IGSF5: variants seen among roughly 807,000 people sequenced by gnomAD.
The protein encoded by IGSF5 is immunoglobulin superfamily member 5.
A neutral mutation model predicts 39.4 loss-of-function variants in IGSF5; 41 were observed. That is an observed-to-expected ratio of 1.04 (90% CI 0.81 to 1.35). The LOEUF (loss-of-function observed/expected upper bound fraction) is 1.35, where lower values mean the gene tolerates loss of function less well. IGSF5 is among the 40% of genes most tolerant of loss of function. The pLI is 0.00. For missense variants in IGSF5, 487 were observed against 494.6 expected (o/e 0.98, Z 0.15); for synonymous variants, 183 against 175.3 (o/e 1.04, Z -0.34).
intron 2 of IGSF5, among the ~76,000 whole-genome samples, chr21:39,753,225 C>T (rs893383806): frequency 6.6e-6 from 1 of 152,072 alleles, no homozygotes; most frequent in Non-Finnish European, 1.5e-5. Context: ...GCCAATTACC[C>T]CAGGATCATT....
the IGSF5 span, among the ~76,000 whole-genome samples, chr21:39,738,051 C>T: frequency 5.3e-5 from 8 of 152,240 alleles, no homozygotes; most frequent in African/African-American, 1.4e-4. The surrounding 1 kb of genome is among the most constrained non-coding windows in gnomAD (Gnocchi z 6.4). Flanking sequence ...ATATCTATGT[C>T]ATCGATATCT....
chr21:39,745,629 A>C (rs940404039), intron 1 of IGSF5, 103 bp downstream of exon 1: 43 of 676,634 alleles, frequency 6.4e-5, no homozygotes, highest in Non-Finnish European at 9.7e-5. Flanking sequence ...TTCTGCCTCT[A>C]GTTGGCCCTT....
At chr21:39,779,474 C>T (rs971366805) in intron 5 of IGSF5, among the ~76,000 whole-genome samples, 169 bp downstream of exon 5, 6 of 152,130 alleles carry the variant, frequency 3.9e-5, no homozygotes, top group African/African-American at 1.4e-4. Flanking sequence ...ATTGTTACAG[C>T]CTTTATGGAA....
chr21:39,783,717 A>C lies in IGSF5; in HGVS notation c.934+4412A>C, dbSNP rs573373616. Among the ~76,000 whole-genome samples the C allele has an allele frequency of 2.2e-4, 33 of 152,242 alleles. 1 individual carries two copies. Among genetic ancestry groups the C allele is most frequent in the African/African-American group, 7.9e-4 (33 of 41,540 alleles). Reference sequence around the variant, plus strand: ...TTCTTTTGCTGTGCAGAAGCTTTTCAGTTTAATATAGTCCCATTTGTCTAT... The same window carrying C: ...TTCTTTTGCTGTGCAGAAGCTTTTCCGTTTAATATAGTCCCATTTGTCTAT... On this transcript the variant is annotated intron_variant, in intron 5 of 8. Transcript: ENST00000380588.
chr21:39,782,546 G>T (rs530600367), intron 5 of IGSF5, among the ~76,000 whole-genome samples: 1 of 152,112 alleles, frequency 6.6e-6, no homozygotes, highest in African/African-American at 2.4e-5. Flanking sequence ...TGGCAACCAC[G>T]ATTCTACTTT....
chr21:39,714,298 A>G, the IGSF5 span, among the ~76,000 whole-genome samples: 1 of 152,142 alleles, frequency 6.6e-6, no homozygotes, highest in African/African-American at 2.4e-5. Context: ...TGAAAAAGGG[A>G]TATGATGGAA....
chr21:39,761,173 T>C (rs2080059845), intron 2 of IGSF5, among the ~76,000 whole-genome samples: 1 of 152,292 alleles, frequency 6.6e-6, no homozygotes, highest in East Asian at 1.9e-4. Context: ...GCCTATTCAA[T>C]AAATGGTGCT....
chr21:39,778,280 G>A lies in IGSF5; in HGVS notation c.719-810G>A, dbSNP rs549465408. Among the ~76,000 whole-genome samples, 279 of 152,266 alleles carry A rather than the reference G, an allele frequency of 1.8e-3. 1 individual carries two copies. The highest frequency in any genetic ancestry group is 3.4e-3 in the Middle Eastern group (1 of 294). On this transcript the variant is annotated intron_variant, in intron 4 of 8. Coordinates refer to ENST00000380588, the MANE Select transcript of IGSF5 (RefSeq NM_001080444.2). ...GCAACTGAGGCACTGAATATTTAAT[G>A]ACTCATACTTTTAATTAACTTAAAT... is the stretch of plus-strand genomic sequence containing the variant.
chr21:39,745,955 G>T (rs575535674), intron 1 of IGSF5, among the ~76,000 whole-genome samples: 1 of 152,176 alleles, frequency 6.6e-6, no homozygotes, highest in African/African-American at 2.4e-5. Flanking sequence ...CCAAGATGGT[G>T]GTGAGCCACT....
the IGSF5 span, among the ~76,000 whole-genome samples, chr21:39,739,336 G>T: frequency 6.6e-6 from 1 of 152,020 alleles, no homozygotes; most frequent in Non-Finnish European, 1.5e-5. Context: ...AGACCCAAAG[G>T]GGGTTGCCGT....
chr21:39,724,709 G>A, the IGSF5 span, among the ~76,000 whole-genome samples: 4 of 152,178 alleles, frequency 2.6e-5, no homozygotes, highest in African/African-American at 9.7e-5. Context: ...GCATGAACAT[G>A]GACTAATACA....
intron 2 of IGSF5, among the ~76,000 whole-genome samples, chr21:39,763,993 G>GT (rs1042049278): frequency 4.4e-4 from 67 of 151,864 alleles, no homozygotes; most frequent in East Asian, 1.2e-3. Context: ...CTTTCTTTCT[G>GT]TTTTTTTTAA....
chr21:39,753,306 T>G (rs184358727), intron 2 of IGSF5, among the ~76,000 whole-genome samples: 10 of 152,318 alleles, frequency 6.6e-5, no homozygotes, highest in African/African-American at 2.4e-4. Context: ...TGGCTGTAAG[T>G]ATTTGGCTTT....
intron 2 of IGSF5, among the ~76,000 whole-genome samples, chr21:39,764,523 A>T (rs2080076522): frequency 6.6e-6 from 1 of 152,192 alleles, no homozygotes. Flanking sequence ...TATTTTCAGT[A>T]GAGATGGGGT....
rs1164780438 is a variant in IGSF5, at chr21:39,746,232, C to T, written c.34C>T (p.Leu12=). The change falls in exon 2 of 9, where the codon CTG becomes TTG. Residue 12 remains leucine (L), a synonymous_variant. Coordinates refer to ENST00000380588, the MANE Select transcript of IGSF5 (RefSeq NM_001080444.2). ...CTGGATCAGGAGCACAGCAGATACT[C>T]TGCCGGATCTGGAGGAATGGAAGTC... ...GQKERSTADT[L]PDLEEWKSAA... 1 of 701,928 alleles carries T rather than the reference C, an allele frequency of 1.4e-6. No individual in the cohort carries two copies. The highest frequency in any genetic ancestry group is 1.5e-5 in the South Asian group (1 of 67,504). The allele number at this position is 701,928 out of a possible 1,614,324, so 43.5% of individuals were successfully genotyped here. A position where few individuals can be genotyped will look rare whatever the true frequency, so the allele number is the denominator to read the frequency against.
chr21:39,768,408 A>G (rs1047141191), intron 3 of IGSF5, among the ~76,000 whole-genome samples: 4 of 152,384 alleles, frequency 2.6e-5, no homozygotes, highest in Admixed American at 2.0e-4. Flanking sequence ...TGAATATTCT[A>G]GTATCACTTT....
chr21:39,794,295 G>A (rs2146295286), intron 8 of IGSF5, among the ~76,000 whole-genome samples: 1 of 152,320 alleles, frequency 6.6e-6, no homozygotes, highest in East Asian at 1.9e-4. Flanking sequence ...ATTGGAGCTT[G>A]TAGATTCTGA....
rs76247070 is a variant in IGSF5, at chr21:39,772,976, A to T, written c.718+1761A>T. Among the ~76,000 whole-genome samples, 308 of 152,278 alleles carry T rather than the reference A, an allele frequency of 2.0e-3. 8 individuals carry two copies. The East Asian group carries it at 0.048, about 23-fold the overall frequency. ...AACCTTTCACCTAATACAATTTTTT[A>T]AAAAAACTTTTATTTTAGGTTCAGG... On this transcript the variant is annotated intron_variant, in intron 4 of 8. Transcript: ENST00000380588.
chr21:39,738,232 G>A, the IGSF5 span, among the ~76,000 whole-genome samples: 484 of 152,208 alleles, frequency 3.2e-3, 1 homozygote, highest in Middle Eastern at 3.4e-3. The surrounding 1 kb of genome is among the most constrained non-coding windows in gnomAD (Gnocchi z 6.4). Flanking sequence ...GAAGGCAAAG[G>A]CACCTCTTTC....
Sources: allele counts gnomAD v4.1 joint callset (sites outside exome capture counted in the v4.1 genomes callset), GRCh38; gene constraint gnomAD v4.1.1; non-coding constraint Gnocchi (gnomAD v3.1); transcripts MANE v1.5; gene names NCBI Gene and HGNC (gene_info 2026-07-23, HGNC 2026-07-21).